Variants in ARHGEF33 observed in about 807,000 individuals in gnomAD.
The protein encoded by ARHGEF33 is DH and coiled-coil domain-containing protein ENSP00000381780.
In ARHGEF33, 72 loss-of-function variants were observed where a neutral mutation model predicts 101.9. The observed-to-expected ratio is 0.71, with a 90% CI of 0.58 to 0.86. The LOEUF is 0.86. Among genes scored for constraint, ARHGEF33 ranks in the 40% least tolerant of loss-of-function variants. The pLI, the probability that ARHGEF33 is intolerant of heterozygous loss-of-function variation, is 0.00. For missense variants in ARHGEF33, 1,169 were observed against 1,111.3 expected (o/e 1.05, Z -0.74); for synonymous variants, 499 against 442.5 (o/e 1.13, Z -1.60).
At chr2:38,902,872 G>A (rs946772850) in intron 2 of ARHGEF33, among the ~76,000 whole-genome samples, 3 of 152,218 alleles carry the variant, frequency 2.0e-5, no homozygotes, top group Non-Finnish European at 2.9e-5. Flanking sequence ...AAGGGAGATA[G>A]GGTATAGAGG....
intron 13 of ARHGEF33, 113 bp from the exon 14 acceptor site, chr2:38,956,786 T>C: frequency 7.6e-7 from 1 of 1,309,636 alleles, no homozygotes; most frequent in South Asian, 1.5e-5. Flanking sequence ...TTGTTCATTG[T>C]TTTGATTAAA....
chr2:38,958,214 T>C lies in ARHGEF33; in HGVS notation c.1535+16T>C. 1.3e-6 allele frequency: 2 copies of C among 1,551,136 alleles called. No homozygotes were observed. Among genetic ancestry groups the C allele is most frequent in the South Asian group, 2.4e-5 (2 of 84,018 alleles). On this transcript the variant is annotated intron_variant, in intron 15 of 17. Transcript: ENST00000409978. ...CTGCCATCACGTAAGCACCTGTTGCTGTGGGAAGGTTAATGCCAATGCCTT... is the reference window on the plus strand; with the variant it reads ...CTGCCATCACGTAAGCACCTGTTGCCGTGGGAAGGTTAATGCCAATGCCTT...
chr2:38,935,681 A>C, intron 7 of ARHGEF33, 94 bp from the exon 8 acceptor site: 1 of 958,758 alleles, frequency 1.0e-6, no homozygotes, highest in Non-Finnish European at 1.6e-6. Flanking sequence ...TGAAACTACA[A>C]TCTCTGAGTC....
At chr2:38,906,636 C>A (rs1666397643) in intron 2 of ARHGEF33, among the ~76,000 whole-genome samples, 1 of 151,946 alleles carries the variant, frequency 6.6e-6, no homozygotes, top group Non-Finnish European at 1.5e-5. Context: ...CATATCTAGG[C>A]TTCTGCTGCT....
rs189598622 is a variant in ARHGEF33 at position 38,898,373 on chromosome 2, G to A, written c.-86+2524G>A. On this transcript the variant is annotated intron_variant, in intron 2 of 17. Coordinates refer to ENST00000409978, the MANE Select transcript of ARHGEF33 (RefSeq NM_001145451.5). ...ACTCCTTGGCTGCAGTAAGTCCCAT[G>A]CACAGGCAAGCTAGTATCAGTCACT... is the stretch of plus-strand genomic sequence containing the variant. 3.4e-3 allele frequency among the ~76,000 whole-genome samples: 525 copies of A among 152,268 alleles called. 3 individuals carry two copies. The highest frequency in any genetic ancestry group is 6.5e-3 in the Admixed American group (100 of 15,294).
At chr2:38,910,956 C>T (rs1009225238) in intron 2 of ARHGEF33, among the ~76,000 whole-genome samples, 4 of 152,120 alleles carry the variant, frequency 2.6e-5, no homozygotes, top group Non-Finnish European at 5.9e-5. Flanking sequence ...TCCAGTGTAA[C>T]TTTGGGCAAA....
intron 4 of ARHGEF33, among the ~76,000 whole-genome samples, chr2:38,925,523 G>A (rs1666851628): frequency 6.6e-6 from 1 of 152,182 alleles, no homozygotes. Flanking sequence ...CTGCAAGAAT[G>A]ATTTGAAGGG....
At chr2:38,905,725 GGAAGACCCTCT>G (rs1666372949) in intron 2 of ARHGEF33, among the ~76,000 whole-genome samples, 1 of 152,178 alleles carries the variant, frequency 6.6e-6, no homozygotes. Flanking sequence ...AAATCAAAAT[GGAAGACCCTCT>G]GAAGAGCATT....
chr2:38,890,806 T>C (rs921534787), intron 1 of ARHGEF33, among the ~76,000 whole-genome samples: 2 of 152,118 alleles, frequency 1.3e-5, no homozygotes, highest in African/African-American at 2.4e-5. Context: ...TGATCAGAAA[T>C]GTATCCTAGA....
chr2:38,937,284 A>G, intron 8 of ARHGEF33, 51 bp from the exon 9 acceptor site: 3 of 872,212 alleles, frequency 3.4e-6, no homozygotes, highest in Non-Finnish European at 5.5e-6. Context: ...TTTTAAAAAG[A>G]TTTTGATAGC....
At chr2:38,899,875 C>T (rs1270982389) in intron 2 of ARHGEF33, among the ~76,000 whole-genome samples, 2 of 151,850 alleles carry the variant, frequency 1.3e-5, no homozygotes, top group Non-Finnish European at 2.9e-5. Flanking sequence ...TCATTACCTG[C>T]CAGGTACAAT....
intron 2 of ARHGEF33, among the ~76,000 whole-genome samples, chr2:38,913,500 C>T (rs184536598): frequency 4.1e-4 from 62 of 152,220 alleles, no homozygotes; most frequent in Non-Finnish European, 7.5e-4. Flanking sequence ...ACCAGCTGGG[C>T]AAGGTGGCTC....
Position 38,889,970 on chromosome 2 carries a change from A to G in ARHGEF33, c.-175A>G, listed in dbSNP as rs1437051974. 1.7e-5 allele frequency: 8 copies of G among 470,324 alleles called. No individual in the cohort carries two copies. Among genetic ancestry groups the G allele is most frequent in the Non-Finnish European group, 3.5e-5 (8 of 226,774 alleles). The allele number at this position is 470,324 out of a possible 1,614,324, so 29.1% of individuals were successfully genotyped here. On this transcript the variant is annotated 5_prime_UTR_variant, in exon 1 of 18. Coordinates refer to ENST00000409978, the MANE Select transcript of ARHGEF33 (RefSeq NM_001145451.5). ...GCCTTGATCTGAGGATGATATAACC[A>G]CCGCAGGCAACATGGGGTAAGTATG...
chr2:38,902,167 A>T (rs1435384880), intron 2 of ARHGEF33, among the ~76,000 whole-genome samples: 2 of 151,790 alleles, frequency 1.3e-5, no homozygotes, highest in Admixed American at 1.3e-4. Flanking sequence ...AACAACTAGC[A>T]TGGTTCTTGG....
chr2:38,905,584 A>C (rs1463179687), intron 2 of ARHGEF33, among the ~76,000 whole-genome samples: 6 of 152,174 alleles, frequency 3.9e-5, no homozygotes. Flanking sequence ...GTTAGATCTC[A>C]GTCTAGTATT....
At position 38,960,513 on chromosome 2, in the gene ARHGEF33, G is replaced by T; in HGVS notation, c.2208G>T (p.Ala736=). 3 of 1,265,024 alleles carry T rather than the reference G, an allele frequency of 2.4e-6. No homozygotes were observed. Among genetic ancestry groups the T allele is most frequent in the Non-Finnish European group, 2.0e-6 (2 of 1,001,156 alleles). The allele number at this position is 1,265,024 out of a possible 1,614,324, so 78.4% of individuals were successfully genotyped here. ...CGCGCAGCAGCAGCGGCGGCCGCGC[G>T]CCCATCAAGGCCGAGCGCGCCGCGC... ...YSTRSSSGGR[A]PIKAERAAQA... The change falls in exon 16 of 18, where the codon GCG becomes GCT. Residue 736 remains alanine, a synonymous_variant. Transcript: ENST00000409978.
intron 2 of ARHGEF33, among the ~76,000 whole-genome samples, chr2:38,904,750 C>T (rs886412847): frequency 6.6e-6 from 1 of 151,030 alleles, no homozygotes; most frequent in African/African-American, 2.4e-5. Flanking sequence ...AAAGAAAACG[C>T]CTATTGCAGT....
At chr2:38,912,775 C>T (rs1868867) in intron 2 of ARHGEF33, among the ~76,000 whole-genome samples, 8 of 151,862 alleles carry the variant, frequency 5.3e-5, no homozygotes, top group African/African-American at 1.2e-4. Context: ...TGGACCTGCC[C>T]GAATTACAAT....
At chr2:38,912,477 C>A (rs990634270) in intron 2 of ARHGEF33, among the ~76,000 whole-genome samples, 3 of 152,118 alleles carry the variant, frequency 2.0e-5, no homozygotes, top group African/African-American at 7.2e-5. Flanking sequence ...AAACTGTACC[C>A]TTTAATACAT....
Sources: allele counts gnomAD v4.1 joint callset (sites outside exome capture counted in the v4.1 genomes callset), GRCh38; gene constraint gnomAD v4.1.1; transcripts MANE v1.5; gene names NCBI Gene and HGNC (gene_info 2026-07-23, HGNC 2026-07-21).